SGCD: variants seen among roughly 807,000 people sequenced by gnomAD.
SGCD encodes the protein delta-sarcoglycan.
Under a neutral mutation model 36.6 loss-of-function variants are expected in SGCD, and 18 were observed. The observed-to-expected ratio is 0.49, with a 90% CI of 0.34 to 0.73. The LOEUF is 0.73. SGCD is among the 30% of genes least tolerant of loss of function. The probability of loss-of-function intolerance (pLI) is 0.01; values close to 1 mark genes in which losing one functional copy is unlikely to be tolerated. For missense variants in SGCD, 387 were observed against 346.7 expected, an observed-to-expected ratio of 1.12 and a Z score of -0.92; for synonymous variants, 133 against 130.6, an observed-to-expected ratio of 1.02 and a Z score of -0.12.
At chr5:155,850,174 CT>C in the SGCD span, among the ~76,000 whole-genome samples, 2 of 152,104 alleles carry the variant, frequency 1.3e-5, no homozygotes, top group Non-Finnish European at 2.9e-5. Flanking sequence ...GTTTTATTTG[CT>C]TTTTTCTGTA....
At chr5:156,050,163 A>C (rs1759878666) in intron 1 of SGCD, among the ~76,000 whole-genome samples, 2 of 146,758 alleles carry the variant, frequency 1.4e-5, no homozygotes, top group South Asian at 4.3e-4. Flanking sequence ...CATGCCATAG[A>C]GAAATCTTTC....
intron 1 of SGCD, among the ~76,000 whole-genome samples, chr5:156,072,976 C>T (rs917271167): frequency 6.6e-6 from 1 of 152,184 alleles, no homozygotes. Flanking sequence ...TGGCTTTCAG[C>T]TCCATCAGCT....
the SGCD span, among the ~76,000 whole-genome samples, chr5:155,732,548 C>T: frequency 6.6e-6 from 1 of 152,158 alleles, no homozygotes; most frequent in African/African-American, 2.4e-5. Context: ...ATCCTATAAC[C>T]AGTAGGTGCC....
intron 6 of SGCD, among the ~76,000 whole-genome samples, chr5:156,618,592 C>CAAA (rs748789128): frequency 0.037 from 2,851 of 76,224 alleles, 86 homozygotes; most frequent in East Asian, 0.089. Context: ...TCATAATTCT[C>CAAA]AAAAAAAAAA....
chr5:156,163,322 G>A (rs1261891432), intron 3 of SGCD, among the ~76,000 whole-genome samples: 5 of 151,644 alleles, frequency 3.3e-5, no homozygotes, highest in East Asian at 3.9e-4. Context: ...GTCAAGTTTT[G>A]AGGAACCCTG....
rs13183219 is a variant in SGCD, at chr5:156,321,456, T to C, written c.-43-8078T>C. On this transcript the variant is annotated intron_variant, in intron 3 of 9. Transcript: ENST00000517913. ...ACAAATAAATAAATAAATAAACAAATAAATAAAAAACCTTCTCTGGGCACG... is the reference window on the plus strand; with the variant it reads ...ACAAATAAATAAATAAATAAACAAACAAATAAAAAACCTTCTCTGGGCACG... Among the ~76,000 whole-genome samples the C allele has an allele frequency of 1.7e-3, 261 of 151,998 alleles. 1 individual carries two copies. The highest frequency in any genetic ancestry group is 6.1e-3 in the African/African-American group (252 of 41,442).
At position 156,135,138 on chromosome 5, in the gene SGCD, A is replaced by G. The variant is rs181829171; in HGVS notation, c.-44+11119A>G. Among the ~76,000 whole-genome samples the G allele has an allele frequency of 4.6e-5, 7 of 152,282 alleles. No homozygotes were observed. In the East Asian group the frequency reaches 1.4e-3, roughly 29 times the overall value. Reference sequence around the variant, plus strand: ...GATGGGTGGATAAATATATTGCAGAATGGATTTAGTTTTAAAATAGGTCAT... The same window carrying G: ...GATGGGTGGATAAATATATTGCAGAGTGGATTTAGTTTTAAAATAGGTCAT... On this transcript the variant is annotated intron_variant, in intron 3 of 9. Transcript: ENST00000517913.
intron 4 of SGCD, among the ~76,000 whole-genome samples, chr5:156,536,365 G>C (rs558300656): frequency 1.3e-5 from 2 of 152,268 alleles, no homozygotes; most frequent in Admixed American, 1.3e-4. Flanking sequence ...ATATGAATCT[G>C]CTTTGAAAAA....
the SGCD span, among the ~76,000 whole-genome samples, chr5:155,855,280 G>A: frequency 2.6e-5 from 4 of 152,200 alleles, no homozygotes; most frequent in Admixed American, 2.0e-4. Context: ...CCTAAGCTGA[G>A]ATAACTCTGA....
At chr5:156,098,831 T>C (rs192586626) in intron 1 of SGCD, among the ~76,000 whole-genome samples, 69 of 152,364 alleles carry the variant, frequency 4.5e-4, no homozygotes, top group African/African-American at 1.5e-3. Context: ...GGCTGCTTAC[T>C]GTAGCTGAGT....
chr5:156,121,809 G>C (rs1762047920), intron 2 of SGCD, among the ~76,000 whole-genome samples: 1 of 152,034 alleles, frequency 6.6e-6, no homozygotes. Flanking sequence ...AGTAAAGCAG[G>C]GGCTGAGAGT....
chr5:156,621,932 T>C (rs1762267371), intron 6 of SGCD, among the ~76,000 whole-genome samples: 1 of 152,212 alleles, frequency 6.6e-6, no homozygotes, highest in Non-Finnish European at 1.5e-5. Context: ...ACTTCATGTA[T>C]GAGAAAACTG....
At position 156,760,214 on chromosome 5, in the gene SGCD, G is replaced by A. The variant is rs1757475001; in HGVS notation, c.*824G>A. ...TGGCCTGATGGGCAATGAACAAACG[G>A]GTGATATGTCTCTGTTTAAGGGAAA... On this transcript the variant is annotated 3_prime_UTR_variant, in exon 9 of 9. Coordinates refer to ENST00000337851, the MANE Select transcript of SGCD (RefSeq NM_000337.6). 6.6e-6 allele frequency: 1 copy of A among 152,094 alleles called. No individual in the cohort carries two copies. Among genetic ancestry groups the A allele is most frequent in the Non-Finnish European group, 1.5e-5 (1 of 68,028 alleles). The allele number at this position is 152,094 out of a possible 1,614,324, so 9.4% of individuals were successfully genotyped here.
intron 1 of SGCD, among the ~76,000 whole-genome samples, chr5:155,873,847 A>G (rs1023549440): frequency 2.6e-5 from 4 of 152,140 alleles, no homozygotes; most frequent in African/African-American, 9.7e-5. Context: ...AACTTATCCA[A>G]AATTTTAAAT....
chr5:156,428,486 C>T (rs984624867), intron 3 of SGCD, among the ~76,000 whole-genome samples: 3 of 151,910 alleles, frequency 2.0e-5, no homozygotes, highest in Admixed American at 6.6e-5. Context: ...TTTCAAAGAA[C>T]CAGCTTTTAA....
At chr5:156,452,824 T>G (rs1183349007) in intron 3 of SGCD, among the ~76,000 whole-genome samples, 1 of 152,050 alleles carries the variant, frequency 6.6e-6, no homozygotes, top group Non-Finnish European at 1.5e-5. Flanking sequence ...TAGATAAATG[T>G]GAGATATTAT....
intron 1 of SGCD, among the ~76,000 whole-genome samples, chr5:155,915,253 C>T (rs1262504877): frequency 6.6e-6 from 1 of 152,146 alleles, no homozygotes; most frequent in African/African-American, 2.4e-5. Flanking sequence ...CTCAGATGTA[C>T]TGTATATCTG....
rs1262368803 is a variant in SGCD at position 156,058,782 on chromosome 5, TTGAAA to T, written c.-281-59092_-281-59088del. On this transcript the variant is annotated intron_variant, in intron 1 of 9. Transcript: ENST00000517913. ...AAGATATATAATGGAATATTTACAG[TTGAAA>T]TGAGATGATGTCTGGGTTGGCCTCA... Among the ~76,000 whole-genome samples, 4 of 145,976 alleles carry T rather than the reference TTGAAA, an allele frequency of 2.7e-5. No individual in the cohort carries two copies. In the East Asian group the frequency reaches 7.7e-4, roughly 28 times the overall value.
chr5:156,229,909 T>C (rs1270176882), intron 3 of SGCD, among the ~76,000 whole-genome samples: 1 of 152,204 alleles, frequency 6.6e-6, no homozygotes, highest in Non-Finnish European at 1.5e-5. Context: ...GAAGACCTTA[T>C]TTTTGAGTTC....
Sources: allele counts gnomAD v4.1 joint callset (sites outside exome capture counted in the v4.1 genomes callset), GRCh38; gene constraint gnomAD v4.1.1; transcripts MANE v1.5; gene names NCBI Gene and HGNC (gene_info 2026-07-23, HGNC 2026-07-21).